Variants in CCDC88C observed in about 807,000 individuals in gnomAD.
CCDC88C encodes the protein coiled-coil and HOOK domain protein 88C.
CCDC88C carries 131 observed loss-of-function variants against 198.8 expected under a neutral mutation model. The observed-to-expected ratio is 0.66, with a 90% CI of 0.57 to 0.76. CCDC88C has a LOEUF of 0.76. Ranked by LOEUF, CCDC88C falls within the 30% of genes least tolerant of loss-of-function variation. The pLI is 0.00. For synonymous variants in CCDC88C, 1,166 were observed against 1,114.7 expected, an observed-to-expected ratio of 1.05 and a Z score of -0.92; for missense variants, 2,553 against 2,631.6, an observed-to-expected ratio of 0.97 and a Z score of 0.65.
intron 29 of CCDC88C, among the ~76,000 whole-genome samples, chr14:91,276,100 G>A (rs916365302): frequency 1.6e-4 from 25 of 151,968 alleles, no homozygotes; most frequent in South Asian, 4.1e-4. Flanking sequence ...GATTACAGGC[G>A]TGAGCCACCG....
chr14:91,310,077 C>A, intron 15 of CCDC88C, 91 bp from the exon 16 acceptor site: 1 of 1,333,380 alleles, frequency 7.5e-7, no homozygotes, highest in Non-Finnish European at 1.0e-6. Context: ...GAGCAACTGT[C>A]CTCCCGGGCC....
At chr14:91,404,023 T>C (rs770625993) in intron 3 of CCDC88C, among the ~76,000 whole-genome samples, 2 of 152,256 alleles carry the variant, frequency 1.3e-5, no homozygotes, top group African/African-American at 2.4e-5. Context: ...AGGGTAAACC[T>C]GGCCAGCCAG....
intron 3 of CCDC88C, among the ~76,000 whole-genome samples, chr14:91,398,810 G>T (rs1050109981): frequency 1.3e-5 from 2 of 152,206 alleles, no homozygotes; most frequent in Admixed American, 1.3e-4. Flanking sequence ...CAGCCCTCTT[G>T]TCTGGCTGAT....
intron 1 of CCDC88C, chr14:91,417,212 G>A: frequency 1.4e-6 from 1 of 702,920 alleles, no homozygotes; most frequent in South Asian, 1.5e-5. Flanking sequence ...ACCCGTCACC[G>A]CCATCCACCG....
intron 20 of CCDC88C, among the ~76,000 whole-genome samples, chr14:91,303,142 C>G (rs570315476): frequency 7.6e-4 from 115 of 152,276 alleles, no homozygotes; most frequent in African/African-American, 2.6e-3. Context: ...CTCCGCGCAG[C>G]CTGACAGACT....
intron 3 of CCDC88C, among the ~76,000 whole-genome samples, chr14:91,375,169 C>G (rs1430035199): frequency 6.6e-6 from 1 of 152,164 alleles, no homozygotes; most frequent in Admixed American, 6.5e-5. Flanking sequence ...CAGGGCTCTC[C>G]CAGGGCCTGG....
intron 3 of CCDC88C, among the ~76,000 whole-genome samples, chr14:91,405,588 C>A (rs1285831): frequency 0.25 from 37,634 of 152,064 alleles, 5,745 homozygotes; most frequent in East Asian, 0.49. Context: ...ATGGCAACAA[C>A]CACAATGGCA....
chr14:91,299,918 G>T lies in CCDC88C; in HGVS notation c.3779+9C>A. 6.3e-7 allele frequency: 1 copy of T among 1,577,658 alleles called. No individual in the cohort carries two copies. Reference sequence around the variant, plus strand: ...GCTGCTATGTGCAGGGCCGGGCGCCGGCGCTCACCTGTCCAGCTCGCCCCG... The same window carrying T: ...GCTGCTATGTGCAGGGCCGGGCGCCTGCGCTCACCTGTCCAGCTCGCCCCG... On this transcript the variant is annotated intron_variant, in intron 21 of 29. Coordinates refer to ENST00000389857, the MANE Select transcript of CCDC88C (RefSeq NM_001080414.4).
intron 3 of CCDC88C, among the ~76,000 whole-genome samples, chr14:91,390,841 G>A (rs370583076): frequency 2.6e-5 from 4 of 152,166 alleles, no homozygotes; most frequent in African/African-American, 7.2e-5. Flanking sequence ...ACCAGAGAGC[G>A]CAGAGGACAG....
intron 3 of CCDC88C, among the ~76,000 whole-genome samples, chr14:91,395,830 C>T (rs754160904): frequency 2.6e-5 from 4 of 152,132 alleles, no homozygotes; most frequent in Non-Finnish European, 4.4e-5. Flanking sequence ...TTAGCCTCCC[C>T]GAAACCCAAT....
chr14:91,362,247 A>G (rs1894339425), intron 3 of CCDC88C, among the ~76,000 whole-genome samples: 1 of 151,302 alleles, frequency 6.6e-6, no homozygotes, highest in South Asian at 2.1e-4. Flanking sequence ...AAAAAAAAAA[A>G]GAAAAAAAAG....
At chr14:91,296,474 C>T (rs1016729568) in intron 22 of CCDC88C, among the ~76,000 whole-genome samples, 1 of 152,220 alleles carries the variant, frequency 6.6e-6, no homozygotes, top group African/African-American at 2.4e-5. Flanking sequence ...CCCCTGGGGG[C>T]GAGGATTCCA....
At chr14:91,318,245 C>T (rs549368859) in intron 13 of CCDC88C, among the ~76,000 whole-genome samples, 16 of 151,648 alleles carry the variant, frequency 1.1e-4, no homozygotes, top group African/African-American at 3.9e-4. Flanking sequence ...CATAAAGAGA[C>T]CCCAGTTCCA....
intron 3 of CCDC88C, among the ~76,000 whole-genome samples, chr14:91,374,180 C>T (rs949297245): frequency 6.6e-6 from 1 of 152,160 alleles, no homozygotes; most frequent in African/African-American, 2.4e-5. Context: ...CTAAACGCAC[C>T]CTCCCCCATC....
At chr14:91,328,179 T>C (rs2044978389) in intron 10 of CCDC88C, among the ~76,000 whole-genome samples, 2 of 152,202 alleles carry the variant, frequency 1.3e-5, no homozygotes, top group South Asian at 4.1e-4. Flanking sequence ...CCGGAATGAA[T>C]GGAGATGGCC....
At chr14:91,335,415 C>T (rs1291167150) in intron 10 of CCDC88C, among the ~76,000 whole-genome samples, 1 of 152,066 alleles carries the variant, frequency 6.6e-6, no homozygotes, top group African/African-American at 2.4e-5. Flanking sequence ...CCTCAGGTGT[C>T]TCTCCTGCAC....
intron 3 of CCDC88C, among the ~76,000 whole-genome samples, chr14:91,402,931 T>G (rs1886291783): frequency 6.6e-6 from 1 of 152,338 alleles, no homozygotes; most frequent in Admixed American, 6.5e-5. Flanking sequence ...CTTGTGCCCA[T>G]GCTAGAGGCC....
At chr14:91,329,204 G>A (rs1394285480) in intron 10 of CCDC88C, among the ~76,000 whole-genome samples, 1 of 152,218 alleles carries the variant, frequency 6.6e-6, no homozygotes, top group Non-Finnish European at 1.5e-5. Context: ...AAGCATGGGG[G>A]ACTTAAACCT....
intron 13 of CCDC88C, among the ~76,000 whole-genome samples, chr14:91,317,650 G>C (rs997385487): frequency 6.6e-6 from 1 of 152,234 alleles, no homozygotes; most frequent in Non-Finnish European, 1.5e-5. Context: ...GGACGAGAGG[G>C]AGGAGAGAGC....
Sources: gnomAD v4.1 joint callset for allele counts (sites outside exome capture counted in the v4.1 genomes callset) on GRCh38, gnomAD v4.1.1 for gene constraint, MANE v1.5 for transcripts, NCBI Gene and HGNC (gene_info 2026-07-23, HGNC 2026-07-21) for gene names.